Variants in MYOF observed in about 807,000 individuals in gnomAD.
The protein encoded by MYOF is myoferlin, also known as fer-1-like 3, myoferlin.
A neutral mutation model predicts 284.2 loss-of-function variants in MYOF; 244 were observed. That is an observed-to-expected ratio of 0.86 (90% confidence interval 0.77 to 0.95). The LOEUF (loss-of-function observed/expected upper bound fraction) is 0.95, where lower values mean the gene tolerates loss of function less well. Among genes scored for constraint, MYOF ranks in the 40% least tolerant of loss-of-function variants. MYOF has a pLI of 0.00. For missense variants in MYOF, 2,496 were observed against 2,560.6 expected (o/e 0.97, Z 0.54); for synonymous variants, 904 against 919.7 (o/e 0.98, Z 0.31).
At chr10:93,354,881 G>A (rs1425222559) in intron 31 of MYOF, among the ~76,000 whole-genome samples, 1 of 152,200 alleles carries the variant, frequency 6.6e-6, no homozygotes, top group Admixed American at 6.5e-5. Context: ...TTACAGGGTT[G>A]TTAAGAGGAT....
intron 1 of MYOF, among the ~76,000 whole-genome samples, chr10:93,466,873 G>T (rs886542430): frequency 6.6e-6 from 1 of 152,106 alleles, no homozygotes; most frequent in Non-Finnish European, 1.5e-5. Context: ...ACTCACTTAG[G>T]AGGCTGAGGT....
intron 18 of MYOF, among the ~76,000 whole-genome samples, 183 bp downstream of exon 18, chr10:93,388,847 G>A (rs1270202584): frequency 6.6e-6 from 1 of 152,214 alleles, no homozygotes; most frequent in South Asian, 2.1e-4. Flanking sequence ...GAAGTTGGGG[G>A]AAATGGCCAT....
At chr10:93,433,218 C>T (rs1416101243) in intron 3 of MYOF, among the ~76,000 whole-genome samples, 2 of 152,286 alleles carry the variant, frequency 1.3e-5, no homozygotes, top group East Asian at 1.9e-4. Context: ...AGTGCAACGG[C>T]GTGATCTCAG....
chr10:93,429,664 T>C (rs879632248), intron 4 of MYOF, among the ~76,000 whole-genome samples: 1 of 152,210 alleles, frequency 6.6e-6, no homozygotes, highest in Non-Finnish European at 1.5e-5. Flanking sequence ...CTTTCTCTCA[T>C]ATGGCTGTTG....
intron 51 of MYOF, among the ~76,000 whole-genome samples, chr10:93,312,548 C>T (rs1029807496): frequency 1.3e-4 from 19 of 151,758 alleles, no homozygotes; most frequent in Admixed American, 7.9e-4. Context: ...TTAGTAGAGA[C>T]GGTGTTTTGC....
intron 37 of MYOF, among the ~76,000 whole-genome samples, chr10:93,347,028 C>A (rs1415912378): frequency 6.6e-6 from 1 of 152,218 alleles, no homozygotes. Flanking sequence ...AGAAGTCTTA[C>A]ATTCACCCAG....
chr10:93,400,414 C>A (rs1847223258), intron 12 of MYOF, among the ~76,000 whole-genome samples: 1 of 151,110 alleles, frequency 6.6e-6, no homozygotes, highest in Non-Finnish European at 1.5e-5. Context: ...AGTGCTCCTA[C>A]CTTGGCCTTC....
At chr10:93,478,532 A>G (rs933087746) in intron 1 of MYOF, among the ~76,000 whole-genome samples, 1 of 152,088 alleles carries the variant, frequency 6.6e-6, no homozygotes, top group Non-Finnish European at 1.5e-5. Context: ...ACAGCCTCAG[A>G]AGGGTCACTC....
At chr10:93,405,795 T>A (rs1403655659) in intron 7 of MYOF, among the ~76,000 whole-genome samples, 2 of 6,652 alleles carry the variant, frequency 3.0e-4, no homozygotes, top group Non-Finnish European at 8.3e-4. Context: ...CAGGCTAGGA[T>A]TTTTTTTTTT....
intron 5 of MYOF, among the ~76,000 whole-genome samples, chr10:93,410,491 T>C (rs1252568919): frequency 1.3e-5 from 2 of 152,174 alleles, no homozygotes; most frequent in Admixed American, 6.5e-5. Context: ...AAATGTCTCC[T>C]CTCTCTTGTG....
chr10:93,351,355 A>T, intron 34 of MYOF, 58 bp downstream of exon 34: 10 of 1,609,766 alleles, frequency 6.2e-6, no homozygotes, highest in Non-Finnish European at 7.6e-6. Context: ...CAGTGCCTAG[A>T]ATTAACATGC....
intron 43 of MYOF, among the ~76,000 whole-genome samples, chr10:93,332,224 TTA>T (rs1366159907): frequency 2.1e-5 from 1 of 47,230 alleles, no homozygotes; most frequent in African/African-American, 6.7e-5. Flanking sequence ...CCTCATTCTT[TTA>T]TTTTTTTTTT....
At chr10:93,353,169 G>T (rs545205928) in intron 32 of MYOF, among the ~76,000 whole-genome samples, 13 of 152,158 alleles carry the variant, frequency 8.5e-5, no homozygotes, top group African/African-American at 2.7e-4. Flanking sequence ...CAGATAGCCT[G>T]AACTATCCAT....
At chr10:93,422,803 T>G (rs966871699) in intron 5 of MYOF, among the ~76,000 whole-genome samples, 6 of 151,620 alleles carry the variant, frequency 4.0e-5, no homozygotes, top group African/African-American at 7.3e-5. Context: ...CTCAAAAAAA[T>G]AAAATAAAAT....
At chr10:93,320,520 A>G (rs774795797) in intron 48 of MYOF, among the ~76,000 whole-genome samples, 16 of 152,206 alleles carry the variant, frequency 1.1e-4, no homozygotes, top group Non-Finnish European at 2.4e-4. Flanking sequence ...TAAATTCACT[A>G]TGATAATATT....
chr10:93,403,927 C>G (rs1847419409), intron 9 of MYOF, 96 bp downstream of exon 9: 1 of 1,355,690 alleles, frequency 7.4e-7, no homozygotes, highest in Non-Finnish European at 1.1e-6. Flanking sequence ...TACACATTCC[C>G]AAGATGCCAC....
At chr10:93,335,255 T>C (rs1418359245) in intron 41 of MYOF, among the ~76,000 whole-genome samples, 1 of 151,964 alleles carries the variant, frequency 6.6e-6, no homozygotes, top group Admixed American at 6.6e-5. Flanking sequence ...GGACAAGGTG[T>C]GTCCGGGGCT....
At chr10:93,421,575 C>G (rs1848359591) in intron 5 of MYOF, among the ~76,000 whole-genome samples, 1 of 152,188 alleles carries the variant, frequency 6.6e-6, no homozygotes. Context: ...GTGGATCCCT[C>G]CTGAAAGGCT....
chr10:93,386,393 T>G (rs1313811480), intron 19 of MYOF, among the ~76,000 whole-genome samples: 1 of 152,214 alleles, frequency 6.6e-6, no homozygotes, highest in East Asian at 1.9e-4. Flanking sequence ...TTATTGACTT[T>G]TGGCTCCGTG....
Sources: allele counts gnomAD v4.1 joint callset (sites outside exome capture counted in the v4.1 genomes callset), GRCh38; gene constraint gnomAD v4.1.1; transcripts MANE v1.5; gene names NCBI Gene and HGNC (gene_info 2026-07-23, HGNC 2026-07-21).